Variants in CPNE2 observed in about 807,000 individuals in gnomAD.
CPNE2 encodes copine 2, also known as copine-2.
Under a neutral mutation model 69.7 loss-of-function variants are expected in CPNE2, and 42 were observed. That is an observed-to-expected ratio of 0.60 (90% confidence interval 0.47 to 0.78). The LOEUF is 0.78. CPNE2 is among the 30% of genes least tolerant of loss of function. CPNE2 has a pLI of 0.00. For missense variants in CPNE2, 587 were observed against 732.0 expected, an observed-to-expected ratio of 0.80 and a Z score of 2.29; for synonymous variants, 294 against 289.8, an observed-to-expected ratio of 1.01 and a Z score of -0.15.
At chr16:57,105,316 G>C (rs755267233) in intron 1 of CPNE2, among the ~76,000 whole-genome samples, 1 of 152,210 alleles carries the variant, frequency 6.6e-6, no homozygotes, top group African/African-American at 2.4e-5. Context: ...GGCTAAAACC[G>C]TGATGTTCTA....
At chr16:57,119,978 C>T (rs2069749504) in intron 7 of CPNE2, among the ~76,000 whole-genome samples, 1 of 152,204 alleles carries the variant, frequency 6.6e-6, no homozygotes, top group African/African-American at 2.4e-5. Flanking sequence ...TCTCTAAAAG[C>T]TCTCAGTCCT....
intron 15 of CPNE2, chr16:57,147,204 G>T: frequency 4.9e-6 from 1 of 205,108 alleles, no homozygotes; most frequent in Non-Finnish European, 9.7e-6. Flanking sequence ...GAACCATACT[G>T]TCAGGCCCAT....
intron 10 of CPNE2, chr16:57,124,452 C>G (rs568866215): frequency 2.2e-6 from 1 of 446,016 alleles, no homozygotes; most frequent in Non-Finnish European, 4.5e-6. Flanking sequence ...TCTCCCTGAT[C>G]GTCGCACCCA....
chr16:57,094,767 C>T (rs938453405), intron 1 of CPNE2, among the ~76,000 whole-genome samples: 8 of 152,250 alleles, frequency 5.3e-5, no homozygotes, highest in South Asian at 4.1e-4. Context: ...CTCCCCCTCC[C>T]GTCAGGACTT....
At chr16:57,140,387 G>A (rs1290307885) in intron 14 of CPNE2, among the ~76,000 whole-genome samples, 1 of 151,928 alleles carries the variant, frequency 6.6e-6, no homozygotes, top group East Asian at 1.9e-4. Context: ...GGCCAGGCCT[G>A]TCTCAAACCC....
chr16:57,111,351 T>C (rs1299409314), intron 2 of CPNE2, among the ~76,000 whole-genome samples: 1 of 152,118 alleles, frequency 6.6e-6, no homozygotes, highest in Non-Finnish European at 1.5e-5. Flanking sequence ...AATTTTTGTA[T>C]TTTTAGTAGA....
chr16:57,107,865 CTTTTTTTTTTTTT>C (rs11347830), intron 1 of CPNE2, among the ~76,000 whole-genome samples: 1 of 98,796 alleles, frequency 1.0e-5, no homozygotes, highest in East Asian at 2.8e-4. Flanking sequence ...ACAGAGCAAT[CTTTTTTTTTTTTT>C]TTTTTTTTTT....
rs557608225 is a variant in CPNE2 at position 57,093,634 on chromosome 16, G to A, written c.-36+844G>A. ...GCTGCTGGCTCTGGTAGCTAATAGG[G>A]TGTTCATCTTGCATCTGAATCCCCT... is the stretch of plus-strand genomic sequence containing the variant. On this transcript the variant is annotated intron_variant, in intron 1 of 15. Coordinates refer to ENST00000290776, the MANE Select transcript of CPNE2 (RefSeq NM_152727.6). Among the ~76,000 whole-genome samples the A allele has an allele frequency of 2.3e-4, 35 of 152,304 alleles. No individual in the cohort carries two copies. The South Asian group carries it at 4.1e-3, about 18-fold the overall frequency.
intron 4 of CPNE2, among the ~76,000 whole-genome samples, chr16:57,116,790 T>C (rs1481816709): frequency 6.6e-6 from 1 of 152,062 alleles, no homozygotes; most frequent in African/African-American, 2.4e-5. Flanking sequence ...CCTCTGTCTG[T>C]GGGTCCAGAG....
intron 10 of CPNE2, 35 bp downstream of exon 10, chr16:57,123,508 C>T: frequency 6.2e-7 from 1 of 1,607,314 alleles, no homozygotes; most frequent in Non-Finnish European, 8.5e-7. Flanking sequence ...TCTGCACCCC[C>T]ATCCCAGTGA....
intron 1 of CPNE2, among the ~76,000 whole-genome samples, chr16:57,097,807 C>T (rs2069587175): frequency 1.3e-5 from 2 of 152,206 alleles, no homozygotes; most frequent in African/African-American, 4.8e-5. Context: ...ATGGGAGTCC[C>T]CTGCCCTCTG....
intron 1 of CPNE2, chr16:57,105,961 C>G (rs1403788559): frequency 1.3e-5 from 2 of 152,558 alleles, no homozygotes; most frequent in African/African-American, 4.8e-5. Flanking sequence ...TTAATGACAC[C>G]TTGCCTGCCT....
chr16:57,102,755 C>A (rs568456384), intron 1 of CPNE2, among the ~76,000 whole-genome samples: 3 of 152,072 alleles, frequency 2.0e-5, no homozygotes, highest in African/African-American at 4.8e-5. Flanking sequence ...GCACCTACCA[C>A]CATGCCTGGC....
chr16:57,131,637 G>A lies in CPNE2; in HGVS notation c.1117-3138G>A, dbSNP rs537948908. Reference sequence around the variant, plus strand: ...GCTTGGCCAGGCTGGAGTGCCCGGCGGTGCCAAGAAAGATGCTGCGTCCAG... The same window carrying A: ...GCTTGGCCAGGCTGGAGTGCCCGGCAGTGCCAAGAAAGATGCTGCGTCCAG... On this transcript the variant is annotated intron_variant, in intron 12 of 15. Coordinates refer to ENST00000290776, the MANE Select transcript of CPNE2 (RefSeq NM_152727.6). Among the ~76,000 whole-genome samples the A allele has an allele frequency of 5.3e-5, 8 of 152,346 alleles. No homozygotes were observed. In the South Asian group the frequency reaches 1.2e-3, roughly 24 times the overall value.
chr16:57,113,386 C>T lies in CPNE2; in HGVS notation c.279C>T (p.Phe93=), dbSNP rs745746810. 9.9e-6 allele frequency: 16 copies of T among 1,614,190 alleles called. No homozygotes were observed. Among genetic ancestry groups the T allele is most frequent in the East Asian group, 2.2e-5 (1 of 44,884 alleles). The part of the protein sequence containing the change: ...YHFEEVQKLK[F]ALFDQDKSSM... ...TCGAGGAGGTACAGAAGCTCAAGTT[C>T]GCGCTCTTTGACCAGGACAAGTCCA... The change falls in exon 3 of 16, where the codon TTC becomes TTT. Residue 93 remains phenylalanine (F), a synonymous_variant. Transcript: ENST00000290776.
intron 14 of CPNE2, among the ~76,000 whole-genome samples, chr16:57,138,853 A>G (rs568446000): frequency 5.1e-4 from 78 of 152,284 alleles, no homozygotes; most frequent in Non-Finnish European, 7.8e-4. Flanking sequence ...CTCCTCCCCC[A>G]GGGAAAGGGA....
chr16:57,136,383 C>T (rs1158411221), intron 13 of CPNE2, among the ~76,000 whole-genome samples: 1 of 152,162 alleles, frequency 6.6e-6, no homozygotes, highest in Non-Finnish European at 1.5e-5. Flanking sequence ...AGGCACTGTG[C>T]GAACGCCTTG....
chr16:57,120,863 C>T (rs1027953395), intron 7 of CPNE2, among the ~76,000 whole-genome samples: 1 of 152,082 alleles, frequency 6.6e-6, no homozygotes. Flanking sequence ...GTTGCCTGCA[C>T]TAGAGGGTAC....
intron 5 of CPNE2, 83 bp downstream of exon 5, chr16:57,117,650 C>G (rs1315013882): frequency 4.8e-6 from 7 of 1,461,072 alleles, no homozygotes; most frequent in Non-Finnish European, 2.8e-6. Context: ...TCCGGGACCT[C>G]GGGCCACCAC....
Sources: allele counts gnomAD v4.1 joint callset (sites outside exome capture counted in the v4.1 genomes callset), GRCh38; gene constraint gnomAD v4.1.1; transcripts MANE v1.5; gene names NCBI Gene and HGNC (gene_info 2026-07-23, HGNC 2026-07-21).